RAB3A: variants seen among roughly 807,000 people sequenced by gnomAD.
RAB3A encodes ras-related protein Rab-3A.
A neutral mutation model predicts 19.7 loss-of-function variants in RAB3A; 5 were observed. The ratio of observed to expected loss-of-function variants is 0.25; its 90% CI spans 0.13 to 0.53. The LOEUF (loss-of-function observed/expected upper bound fraction) is 0.53. Ranked by LOEUF, RAB3A falls within the 20% of genes least tolerant of loss-of-function variation. The pLI, the probability that RAB3A is intolerant of heterozygous loss-of-function variation, is 0.95. For synonymous variants in RAB3A, 119 were observed against 122.1 expected, an observed-to-expected ratio of 0.97 and a Z score of 0.17; for missense variants, 189 against 305.6, an observed-to-expected ratio of 0.62 and a Z score of 2.85.
Position 18,198,853 on chromosome 19 carries a change from T to C in RAB3A, c.348-4A>G, listed in dbSNP as rs754141937. 3 of 1,613,338 alleles carry C rather than the reference T, an allele frequency of 1.9e-6. No homozygotes were observed. Among genetic ancestry groups the C allele is most frequent in the Non-Finnish European group, 2.5e-6 (3 of 1,179,672 alleles). On this transcript the variant is annotated splice_region_variant and splice_polypyrimidine_tract_variant and intron_variant, in intron 3 of 4. Coordinates refer to ENST00000222256, the MANE Select transcript of RAB3A (RefSeq NM_002866.5). ...GTAGGTCTTGATCTGGGTGGACCTATAGGAGGCACCAATGGGGGCAGGTCA... is the reference window on the plus strand; with the variant it reads ...GTAGGTCTTGATCTGGGTGGACCTACAGGAGGCACCAATGGGGGCAGGTCA...
intron 3 of RAB3A, among the ~76,000 whole-genome samples, chr19:18,199,673 G>A (rs377251396): frequency 6.6e-5 from 10 of 151,886 alleles, no homozygotes; most frequent in Non-Finnish European, 8.8e-5. Context: ...ACAGGTGTGC[G>A]CCACCACGTC....
In RAB3A at chr19:18,198,661, G is replaced by A. The variant is rs1600028407; in HGVS notation, c.472+64C>T. On this transcript the variant is annotated intron_variant, in intron 4 of 4. Coordinates refer to ENST00000222256, the MANE Select transcript of RAB3A (RefSeq NM_002866.5). Reference sequence around the variant, plus strand: ...TTTAGCTGTAAGACCTTGGGTGTGTGCCCTCCCCTCTCTTAGTGTCCTTTT... The same window carrying A: ...TTTAGCTGTAAGACCTTGGGTGTGTACCCTCCCCTCTCTTAGTGTCCTTTT... 3.8e-6 allele frequency: 6 copies of A among 1,596,456 alleles called. No homozygotes were observed. The East Asian group carries it at 1.3e-4, about 36-fold the overall frequency.
chr19:18,202,596 G>A lies in RAB3A; in HGVS notation c.145C>T (p.Pro49Ser). 6.2e-7 allele frequency: 1 copy of A among 1,614,198 alleles called. No homozygotes were observed. The highest frequency in any genetic ancestry group is 2.2e-5 in the East Asian group (1 of 44,884). Residue 49 changes from proline (P) to serine (S), a missense_variant, in exon 2 of 5, where the codon CCT becomes TCT. By Grantham distance (74) the Pro-to-Ser change is moderately conservative (BLOSUM62 -1). Transcript: ENST00000222256. This position sits in a 1 kb window ranked among gnomAD's most constrained non-coding sequence, Gnocchi z 4.2. ...LFRYADDSFTPAFVSTVGIDF... is the reference protein window; with the variant it reads ...LFRYADDSFTSAFVSTVGIDF... The stretch of plus-strand genomic sequence containing the variant: ...ATGCCCACGGTGCTGACGAAGGCAG[G>A]CGTGAACGAGTCGTCAGCATAGCGG...
intron 1 of RAB3A, among the ~76,000 whole-genome samples, chr19:18,203,642 G>A (rs772938372): frequency 3.3e-5 from 5 of 152,224 alleles, no homozygotes; most frequent in Admixed American, 6.5e-5. Context: ...AGCCTCCCGC[G>A]CGCACAGCTT....
At position 18,202,441 on chromosome 19, in the gene RAB3A, C is replaced by A; in HGVS notation, c.228+72G>T. ...TGACTCCAGTCAGGAAAGAGATAGACGAGGTTGGGGCTGCTTTTCCAAGTA... is the reference window on the plus strand; with the variant it reads ...TGACTCCAGTCAGGAAAGAGATAGAAGAGGTTGGGGCTGCTTTTCCAAGTA... On this transcript the variant is annotated intron_variant, in intron 2 of 4. Transcript: ENST00000222256. This position sits in a 1 kb window ranked among gnomAD's most constrained non-coding sequence, Gnocchi z 4.2. 1 of 1,351,984 alleles carries A rather than the reference C, an allele frequency of 7.4e-7. No homozygotes were observed. The highest frequency in any genetic ancestry group is 2.3e-5 in the East Asian group (1 of 43,450). The allele number at this position is 1,351,984 out of a possible 1,614,324, so 83.7% of individuals were successfully genotyped here. A position where few individuals can be genotyped will look rare whatever the true frequency, so the allele number is the denominator to read the frequency against.
intron 3 of RAB3A, 122 bp from the exon 4 acceptor site, chr19:18,198,971 C>T (rs986604208): frequency 4.8e-6 from 6 of 1,238,878 alleles, no homozygotes; most frequent in Non-Finnish European, 6.6e-6. Flanking sequence ...GCCCCTCCAT[C>T]CTCCCCACCA....
At chr19:18,201,388 C>T (rs1034578088) in intron 2 of RAB3A, among the ~76,000 whole-genome samples, 4 of 151,910 alleles carry the variant, frequency 2.6e-5, no homozygotes, top group Non-Finnish European at 4.4e-5. Flanking sequence ...TCAAGACTAG[C>T]CTGGCCAACA....
At chr19:18,200,009 G>A (rs1044484101) in intron 3 of RAB3A, among the ~76,000 whole-genome samples, 4 of 152,130 alleles carry the variant, frequency 2.6e-5, no homozygotes, top group African/African-American at 4.8e-5. Context: ...GGCCAGAAGC[G>A]ATGGCTCACG....
At chr19:18,201,258 AAAAAAAAAGAAAG>A in intron 2 of RAB3A, among the ~76,000 whole-genome samples, 1 of 142,264 alleles carries the variant, frequency 7.0e-6, no homozygotes, top group Non-Finnish European at 1.5e-5. Flanking sequence ...ACAAAAAAAA[AAAAAAAAAGAAAG>A]AAAGAAAGAA....
intron 2 of RAB3A, among the ~76,000 whole-genome samples, chr19:18,201,915 G>A (rs984609967): frequency 1.3e-5 from 2 of 152,128 alleles, no homozygotes; most frequent in Admixed American, 6.6e-5. Context: ...TCCAGCCTGG[G>A]CAACAGAGTG....
Position 18,197,533 on chromosome 19 carries a change from G to A in RAB3A, c.600C>T (p.Gly200=), listed in dbSNP as rs770271697. 3.8e-5 allele frequency: 61 copies of A among 1,613,414 alleles called. No individual in the cohort carries two copies. Among genetic ancestry groups the A allele is most frequent in the Admixed American group, 1.5e-4 (9 of 59,992 alleles). Residue 200 remains glycine, a synonymous_variant, in exon 5 of 5, where the codon GGC becomes GGT. Transcript: ENST00000222256. The stretch of plus-strand genomic sequence containing the variant: ...CACTGAGCTGTGGGCCCTGCTTGGC[G>A]CCTGTGACCGCAGGGTCCGCCGTGT... ...SLDTADPAVT[G]AKQGPQLSDQ...
rs373993871 is a variant in RAB3A at position 18,203,643 on chromosome 19, C to T, written c.-1+253G>A. Among the ~76,000 whole-genome samples, 1,154 of 152,340 alleles carry T rather than the reference C, an allele frequency of 7.6e-3. 40 individuals carry two copies. The highest frequency in any genetic ancestry group is 0.055 in the Admixed American group (837 of 15,302). On this transcript the variant is annotated intron_variant, in intron 1 of 4. Transcript: ENST00000222256. ...CACGCGCACGCAAAAGCCTCCCGCG[C>T]GCACAGCTTCCCGCAAGGAGCTCGG...
rs1390162536 is a variant in RAB3A at position 18,199,443 on chromosome 19, CTGTGCCCAACCCAGAAATTTTT to C, written c.348-616_348-595del. ...GTGCTGGGATTATAGGCATGAGCCACTGTGCCCAACCCAGAAATTTTTTTTTAAAGTTATTACTTCTGAGCAG... is the reference window on the plus strand; with the variant it reads ...GTGCTGGGATTATAGGCATGAGCCACTTTTAAAGTTATTACTTCTGAGCAG... On this transcript the variant is annotated intron_variant, in intron 3 of 4. Coordinates refer to ENST00000222256, the MANE Select transcript of RAB3A (RefSeq NM_002866.5). 5.3e-5 allele frequency among the ~76,000 whole-genome samples: 8 copies of C among 152,244 alleles called. No homozygotes were observed. In the East Asian group the frequency reaches 1.5e-3, roughly 29 times the overall value.
In RAB3A at chr19:18,200,461, T is replaced by A; in HGVS notation, c.229-16A>T. On this transcript the variant is annotated splice_polypyrimidine_tract_variant and intron_variant, in intron 2 of 4. Transcript: ENST00000222256. ...CTGCTGTGTCCTAGGGAGGAAGAGA[T>A]GAAGGTCAGAGAGGACCTGCACATA... 1 of 1,598,666 alleles carries A rather than the reference T, an allele frequency of 6.3e-7. No individual in the cohort carries two copies. Among genetic ancestry groups the A allele is most frequent in the Non-Finnish European group, 8.5e-7 (1 of 1,170,648 alleles).
chr19:18,197,357 C>T lies in RAB3A; in HGVS notation c.*113G>A. ...TACAATAATAAATAAGGGTGACGGG[C>T]TAAGTCAGGAGCAGGGGTCTTGTGC... On this transcript the variant is annotated 3_prime_UTR_variant, in exon 5 of 5. Transcript: ENST00000222256. The T allele has an allele frequency of 2.1e-6, 2 of 947,256 alleles. No homozygotes were observed. Among genetic ancestry groups the T allele is most frequent in the Non-Finnish European group, 3.2e-6 (2 of 634,648 alleles). The allele number at this position is 947,256 out of a possible 1,614,324, so 58.7% of individuals were successfully genotyped here. A position where few individuals can be genotyped will look rare whatever the true frequency, so the allele number is the denominator to read the frequency against.
chr19:18,200,296 GAAAAA>G lies in RAB3A; in HGVS notation c.347+26_347+30del, dbSNP rs138348056. ...AAACCCTCTCTCAAAGAAAAGAAAAGAAAAAAAAAGAGCAAGTGGGGTACACTCAC... is the reference window on the plus strand; with the variant it reads ...AAACCCTCTCTCAAAGAAAAGAAAAGAAAAGAGCAAGTGGGGTACACTCAC... On this transcript the variant is annotated intron_variant, in intron 3 of 4. Transcript: ENST00000222256. 8,757 of 1,493,836 alleles carry G rather than the reference GAAAAA, an allele frequency of 5.9e-3. 392 individuals are homozygous for G. The African/African-American group carries it at 0.1, about 18-fold the overall frequency. 92.5% of individuals were successfully genotyped at this position (1,493,836 alleles called of 1,614,324 possible).
In RAB3A at chr19:18,197,401, G is replaced by A. The variant is rs1967544189; in HGVS notation, c.*69C>T. On this transcript the variant is annotated 3_prime_UTR_variant, in exon 5 of 5. Coordinates refer to ENST00000222256, the MANE Select transcript of RAB3A (RefSeq NM_002866.5). ...CTTGTGCCCGTGGCTGGTAGGGGCC[G>A]GGTCAGGCCCGGGTAGTTGGGGGAA... 1.0e-5 allele frequency: 15 copies of A among 1,489,884 alleles called. No individual in the cohort carries two copies. Among genetic ancestry groups the A allele is most frequent in the South Asian group, 9.7e-5 (8 of 82,854 alleles). 92.3% of individuals were successfully genotyped at this position (1,489,884 alleles called of 1,614,324 possible).
At position 18,202,781 on chromosome 19, in the gene RAB3A, C is replaced by T; in HGVS notation, c.1-41G>A. The T allele has an allele frequency of 1.3e-6, 2 of 1,527,250 alleles. No homozygotes were observed. The highest frequency in any genetic ancestry group is 1.8e-6 in the Non-Finnish European group (2 of 1,104,328). 94.6% of individuals were successfully genotyped at this position (1,527,250 alleles called of 1,614,324 possible). A position where few individuals can be genotyped will look rare whatever the true frequency, so the allele number is the denominator to read the frequency against. On this transcript the variant is annotated intron_variant, in intron 1 of 4. Transcript: ENST00000222256. The surrounding 1 kb of genome is among the most constrained non-coding windows in gnomAD (Gnocchi z 4.2). ...GTAGCAGAGCCGTGAGGGGGGCTCT[C>T]TCCATCCTCATGTGCCCAAGCCCAG...
chr19:18,203,635 C>T (rs74180872), intron 1 of RAB3A, among the ~76,000 whole-genome samples: 13 of 152,356 alleles, frequency 8.5e-5, no homozygotes, highest in South Asian at 6.2e-4. Context: ...ACGCAAAAGC[C>T]TCCCGCGCGC....
Sources: allele counts gnomAD v4.1 joint callset (sites outside exome capture counted in the v4.1 genomes callset), GRCh38; gene constraint gnomAD v4.1.1; non-coding constraint Gnocchi (gnomAD v3.1); transcripts MANE v1.5; gene names NCBI Gene and HGNC (gene_info 2026-07-23, HGNC 2026-07-21).